Variants in CDK14 observed in about 807,000 individuals in gnomAD.
The protein encoded by CDK14 is cyclin-dependent kinase 14.
In CDK14, 34 loss-of-function variants were observed where a neutral mutation model predicts 60.7. That is an observed-to-expected ratio of 0.56 (90% CI 0.43 to 0.75). The LOEUF (loss-of-function observed/expected upper bound fraction) is 0.75, where lower values mean the gene tolerates loss of function less well. Ranked by LOEUF, CDK14 falls within the 30% of genes least tolerant of loss-of-function variation. The probability of loss-of-function intolerance (pLI) is 0.00; values close to 1 mark genes in which losing one functional copy is unlikely to be tolerated. For missense variants in CDK14, 482 were observed against 564.1 expected, an observed-to-expected ratio of 0.85 and a Z score of 1.47; for synonymous variants, 197 against 203.7, an observed-to-expected ratio of 0.97 and a Z score of 0.28.
At chr7:90,756,633 G>C (rs1804071785) in intron 4 of CDK14, among the ~76,000 whole-genome samples, 1 of 152,186 alleles carries the variant, frequency 6.6e-6, no homozygotes, top group South Asian at 2.1e-4. Flanking sequence ...GCTAAGTCAG[G>C]CTGAAGAATA....
At chr7:91,192,031 G>A (rs981233387) in intron 14 of CDK14, among the ~76,000 whole-genome samples, 2 of 152,004 alleles carry the variant, frequency 1.3e-5, no homozygotes, top group African/African-American at 4.8e-5. Context: ...TTCTTAATTG[G>A]GTCCTGAAGA....
rs772810986 is a variant in CDK14, at chr7:90,834,178, C to T, written c.545-28997C>T. Among the ~76,000 whole-genome samples, 28 of 152,204 alleles carry T rather than the reference C, an allele frequency of 1.8e-4. No homozygotes were observed. The Middle Eastern group carries it at 0.014, about 74-fold the overall frequency. Reference sequence around the variant, plus strand: ...ATCTGAAAATAAGATGGAAGCAATTCGAGGAAATTATGTCTCTACTTTGTA... The same window carrying T: ...ATCTGAAAATAAGATGGAAGCAATTTGAGGAAATTATGTCTCTACTTTGTA... On this transcript the variant is annotated intron_variant, in intron 5 of 14. Transcript: ENST00000380050.
At chr7:91,107,815 C>A (rs1354264631) in intron 12 of CDK14, 1 of 152,182 alleles carries the variant, frequency 6.6e-6, no homozygotes, top group African/African-American at 2.4e-5. Context: ...CTACCTGATG[C>A]AATTGCTTTG....
At chr7:90,951,532 G>A (rs1328803026) in intron 8 of CDK14, among the ~76,000 whole-genome samples, 1 of 152,160 alleles carries the variant, frequency 6.6e-6, no homozygotes, top group East Asian at 1.9e-4. Flanking sequence ...GCAAAGGAAT[G>A]GGAATGATCA....
In CDK14 at chr7:90,899,442, A is replaced by G. The variant is rs1235052906; in HGVS notation, c.702+89A>G. On this transcript the variant is annotated intron_variant, in intron 7 of 14. Coordinates refer to ENST00000380050, the MANE Select transcript of CDK14 (RefSeq NM_001287135.2). ...CTAGCATCTCTACCATAACATATTT[A>G]AATTTTTTAAATTTTTTGTGTAAAG... The G allele has an allele frequency of 3.3e-6, 3 of 896,418 alleles. No homozygotes were observed. In the Admixed American group the frequency reaches 1.1e-4, roughly 34 times the overall value. The allele number at this position is 896,418 out of a possible 1,614,324, so 55.5% of individuals were successfully genotyped here. A position where few individuals can be genotyped will look rare whatever the true frequency, so the allele number is the denominator to read the frequency against.
chr7:91,085,600 T>C (rs528815165), intron 12 of CDK14, among the ~76,000 whole-genome samples: 18 of 152,270 alleles, frequency 1.2e-4, no homozygotes, highest in African/African-American at 3.4e-4. Context: ...GGGGCCATTT[T>C]GCTTATCAGA....
At chr7:91,170,769 C>T (rs12537423) in intron 14 of CDK14, among the ~76,000 whole-genome samples, 331 of 123,586 alleles carry the variant, frequency 2.7e-3, no homozygotes, top group Middle Eastern at 4.1e-3. Context: ...TTTTTTTTTT[C>T]TTTTTTTTTT....
chr7:91,174,378 A>G (rs1089813), intron 14 of CDK14, among the ~76,000 whole-genome samples: 133,037 of 147,946 alleles, frequency 0.9, 60,403 homozygotes, highest in African/African-American at 0.95. Flanking sequence ...AGAAAAACTG[A>G]AAACTCTAAA....
intron 7 of CDK14, among the ~76,000 whole-genome samples, chr7:90,904,323 A>T (rs1792622447): frequency 6.6e-6 from 1 of 152,166 alleles, no homozygotes; most frequent in Non-Finnish European, 1.5e-5. Flanking sequence ...GAGGAAGCCA[A>T]GTTGCTTGCA....
chr7:91,120,179 T>A (rs1408061036), intron 14 of CDK14, among the ~76,000 whole-genome samples: 2 of 152,218 alleles, frequency 1.3e-5, no homozygotes, highest in African/African-American at 2.4e-5. Flanking sequence ...AAGGCTGTGT[T>A]CCTCTTCTTG....
At chr7:90,944,989 A>G (rs1230191943) in intron 8 of CDK14, among the ~76,000 whole-genome samples, 2 of 152,200 alleles carry the variant, frequency 1.3e-5, no homozygotes, top group African/African-American at 2.4e-5. Flanking sequence ...ATAAGTATTA[A>G]TAATTACAGG....
chr7:91,056,508 T>G (rs889592754), intron 11 of CDK14, among the ~76,000 whole-genome samples: 1 of 152,158 alleles, frequency 6.6e-6, no homozygotes, highest in Non-Finnish European at 1.5e-5. Flanking sequence ...GCTGCACCCA[T>G]TAACTCATCA....
At chr7:90,763,073 A>G (rs1039552127) in intron 4 of CDK14, among the ~76,000 whole-genome samples, 1 of 152,224 alleles carries the variant, frequency 6.6e-6, no homozygotes, top group Non-Finnish European at 1.5e-5. Context: ...GAGAGGCATT[A>G]CATGATGATA....
chr7:90,838,766 C>T (rs180923002), intron 5 of CDK14, among the ~76,000 whole-genome samples: 3 of 152,256 alleles, frequency 2.0e-5, no homozygotes, highest in Admixed American at 2.0e-4. Flanking sequence ...TGATTGTCTG[C>T]TCTTGAACCC....
chr7:90,806,782 T>C (rs1562778581), intron 5 of CDK14, among the ~76,000 whole-genome samples: 1 of 152,324 alleles, frequency 6.6e-6, no homozygotes, highest in East Asian at 1.9e-4. Flanking sequence ...TACTGTGCTT[T>C]TCCAATGGTC....
In CDK14 at chr7:90,984,287, A is replaced by T. The variant is rs762710604; in HGVS notation, c.1041+46A>T. ...TTCTAAGAAAAATTGGTTTCTAATT[A>T]GTCACTTAGTGACAAATTCTACAGC... On this transcript the variant is annotated intron_variant, in intron 10 of 14. Transcript: ENST00000380050. 6.7e-6 allele frequency: 8 copies of T among 1,190,416 alleles called. No homozygotes were observed. The African/African-American group carries it at 9.0e-5, about 13-fold the overall frequency. 73.7% of individuals were successfully genotyped at this position (1,190,416 alleles called of 1,614,324 possible).
At chr7:90,719,989 G>A (rs1016444079) in intron 2 of CDK14, among the ~76,000 whole-genome samples, 19 of 152,120 alleles carry the variant, frequency 1.2e-4, no homozygotes, top group African/African-American at 4.6e-4. Context: ...CCCATGATTT[G>A]GGAAAACCAT....
chr7:91,061,214 C>T (rs914121303), intron 11 of CDK14, among the ~76,000 whole-genome samples: 2 of 152,200 alleles, frequency 1.3e-5, no homozygotes, highest in Non-Finnish European at 2.9e-5. Context: ...CTTGTGCATT[C>T]GTCATGTAGT....
At chr7:90,995,921 A>C (rs537359448) in intron 10 of CDK14, among the ~76,000 whole-genome samples, 1 of 152,170 alleles carries the variant, frequency 6.6e-6, no homozygotes, top group African/African-American at 2.4e-5. Context: ...TAAGAACTCT[A>C]CTCTAAAAGA....
Sources: gnomAD v4.1 joint callset for allele counts (sites outside exome capture counted in the v4.1 genomes callset) on GRCh38, gnomAD v4.1.1 for gene constraint, MANE v1.5 for transcripts, NCBI Gene and HGNC (gene_info 2026-07-23, HGNC 2026-07-21) for gene names.